Variants in ZNF229 observed in about 807,000 individuals in gnomAD.
ZNF229 encodes zinc finger protein 229.
Under a neutral mutation model 11.8 loss-of-function variants are expected in ZNF229, and 10 were observed. That is an observed-to-expected ratio of 0.85 (90% confidence interval 0.52 to 1.44). The LOEUF (loss-of-function observed/expected upper bound fraction) is 1.44, where lower values mean the gene tolerates loss of function less well. Among genes scored for constraint, ZNF229 ranks in the 40% most tolerant of loss-of-function variants. ZNF229 has a pLI of 0.00. For synonymous variants in ZNF229, 368 were observed against 374.8 expected (o/e 0.98, Z 0.21); for missense variants, 1,045 against 1,015.1 (o/e 1.03, Z -0.40).
At chr19:44,444,287 A>C (rs1056584931) in intron 2 of ZNF229, among the ~76,000 whole-genome samples, 4 of 152,100 alleles carry the variant, frequency 2.6e-5, no homozygotes, top group Non-Finnish European at 2.9e-5. Context: ...AGACAAACAG[A>C]TACACATACT....
Position 44,429,718 on chromosome 19 carries a change from C to T in ZNF229, c.1063G>A (p.Gly355Arg), listed in dbSNP as rs1971673992. 7 of 1,613,996 alleles carry T rather than the reference C, an allele frequency of 4.3e-6. No individual in the cohort carries two copies. The East Asian group carries it at 1.6e-4, about 36-fold the overall frequency. Residue 355 changes from glycine (G) to arginine (R), a missense_variant, in exon 6 of 6, where the codon GGA becomes AGA. Physicochemically the swap from Gly to Arg is moderately radical, Grantham distance 125. Coordinates refer to ENST00000614049, the MANE Select transcript of ZNF229 (RefSeq NM_014518.4). ...ACCGATTTATACCTGAACCCCTTTC[C>T]ACAGACATCACATCTATAGGGCATG... ...GDMPYRCDVCGKGFRYKSVLL... is the reference protein window; with the variant it reads ...GDMPYRCDVCRKGFRYKSVLL...
chr19:44,447,271 C>T (rs1049252490), intron 2 of ZNF229, among the ~76,000 whole-genome samples: 2 of 144,962 alleles, frequency 1.4e-5, no homozygotes, highest in Non-Finnish European at 3.1e-5. Context: ...TTCTACCCTG[C>T]GTTTCTTCAG....
intron 4 of ZNF229, among the ~76,000 whole-genome samples, chr19:44,439,371 G>C (rs145955936): frequency 1.4e-3 from 214 of 152,274 alleles, no homozygotes; most frequent in African/African-American, 4.9e-3. Context: ...TGTTTGTAGT[G>C]CTAAAACTGG....
intron 2 of ZNF229, 125 bp downstream of exon 2, chr19:44,447,388 C>T (rs189378907): frequency 1.2e-4 from 18 of 152,230 alleles, no homozygotes; most frequent in African/African-American, 4.1e-4. Flanking sequence ...CAAACCTCCC[C>T]CATTTCTAGG....
chr19:44,439,546 C>T (rs954652099), intron 4 of ZNF229, among the ~76,000 whole-genome samples: 30 of 152,088 alleles, frequency 2.0e-4, no homozygotes, highest in African/African-American at 6.8e-4. Flanking sequence ...CAGGTTCAAG[C>T]GATTCTTCTG....
intron 4 of ZNF229, among the ~76,000 whole-genome samples, chr19:44,434,972 T>C (rs1170524876): frequency 6.6e-6 from 1 of 152,136 alleles, no homozygotes; most frequent in Middle Eastern, 3.2e-3. Context: ...CAAGATCTGA[T>C]GGCTTTATAA....
intron 4 of ZNF229, among the ~76,000 whole-genome samples, chr19:44,435,413 T>C (rs1411941484): frequency 1.3e-5 from 2 of 152,070 alleles, no homozygotes; most frequent in African/African-American, 4.8e-5. Context: ...ACGCATGGGG[T>C]GAACTTGGAA....
At chr19:44,441,504 A>T (rs1971908609) in intron 4 of ZNF229, among the ~76,000 whole-genome samples, 2 of 152,222 alleles carry the variant, frequency 1.3e-5, no homozygotes, top group African/African-American at 4.8e-5. Context: ...AAGAAAATTA[A>T]GAAATATGTA....
At chr19:44,432,122 A>C in intron 5 of ZNF229, 100 bp downstream of exon 5, 1 of 1,488,996 alleles carries the variant, frequency 6.7e-7, no homozygotes, top group Non-Finnish European at 8.9e-7. Context: ...AGCAGCTGAA[A>C]CTAAGAGTTC....
intron 4 of ZNF229, 24 bp downstream of exon 4, chr19:44,442,539 G>C (rs140656663): frequency 1.9e-6 from 3 of 1,612,102 alleles, no homozygotes; most frequent in East Asian, 2.2e-5. Flanking sequence ...GTGGTATTTC[G>C]GGAGAGAAAA....
intron 5 of ZNF229, among the ~76,000 whole-genome samples, chr19:44,431,354 C>A (rs1464665087): frequency 6.6e-6 from 1 of 152,094 alleles, no homozygotes; most frequent in Non-Finnish European, 1.5e-5. Context: ...TTCTGATATT[C>A]TTTATTGCCT....
rs200661767 is a variant in ZNF229, at chr19:44,432,320, T to C, written c.140A>G (p.Glu47Gly). ...CTGGGTAGAGTCCAGCAGCTCTAGCTCCTCCTCAGTGAAGACCACAGCCAC... is the reference window on the plus strand; with the variant it reads ...CTGGGTAGAGTCCAGCAGCTCTAGCCCCTCCTCAGTGAAGACCACAGCCAC... ...KDVAVVFTEE[E>G]LELLDSTQRQ... is the part of the protein sequence containing the mutation. Residue 47 changes from glutamate (E) to glycine (G), a missense_variant, in exon 5 of 6, where the codon GAG (glutamate) becomes GGG (glycine). Physicochemically the swap from Glu to Gly is moderately conservative, Grantham distance 98. Coordinates refer to ENST00000614049, the MANE Select transcript of ZNF229 (RefSeq NM_014518.4). The C allele has an allele frequency of 3.8e-5, 62 of 1,613,538 alleles. No homozygotes were observed. Among genetic ancestry groups the C allele is most frequent in the Non-Finnish European group, 1.0e-5 (12 of 1,179,936 alleles).
intron 2 of ZNF229, among the ~76,000 whole-genome samples, chr19:44,444,949 T>C (rs995441286): frequency 6.6e-6 from 1 of 152,170 alleles, no homozygotes; most frequent in African/African-American, 2.4e-5. Context: ...TTGGTGAACA[T>C]ATCCAGCCTC....
intron 2 of ZNF229, among the ~76,000 whole-genome samples, chr19:44,447,264 T>C (rs1166502700): frequency 6.8e-6 from 1 of 147,204 alleles, no homozygotes; most frequent in Admixed American, 6.8e-5. Flanking sequence ...TAATTATTTC[T>C]ACCCTGCGTT....
Position 44,429,924 on chromosome 19 carries a change from A to C in ZNF229, c.857T>G (p.Val286Gly), listed in dbSNP as rs1426879925. ...DDADLPPHPR[V>G]PLKEKLCQYD... ...TTGACAGAGTTTCTCTTTCAAAGGT[A>C]CTCTTGGATGCGGGGGAAGGTCTGC... The change falls in exon 6 of 6, where the codon GTA becomes GGA. Residue 286 changes from valine (V) to glycine (G), a missense_variant. Physicochemically the swap from Val to Gly is moderately radical, Grantham distance 109. Transcript: ENST00000614049. 6.2e-7 allele frequency: 1 copy of C among 1,613,758 alleles called. No individual in the cohort carries two copies. The highest frequency in any genetic ancestry group is 8.5e-7 in the Non-Finnish European group (1 of 1,179,938).
At position 44,428,519 on chromosome 19, in the gene ZNF229, A is replaced by T. The variant is rs769529068; in HGVS notation, c.2262T>A (p.His754Gln). ...TGTGGACCCTCTGATGACCTTGAAG[A>T]TGTGAGCTCTGACTATAGCCCTTCC... ...VCGKGYSQSS[H>Q]LQGHQRVHTG... The change falls in exon 6 of 6, where the codon CAT becomes CAA. Residue 754 changes from histidine (H) to glutamine (Q), a missense_variant. Transcript: ENST00000614049. The T allele has an allele frequency of 2.5e-6, 4 of 1,609,252 alleles. No homozygotes were observed. Among genetic ancestry groups the T allele is most frequent in the Non-Finnish European group, 3.4e-6 (4 of 1,178,450 alleles).
At chr19:44,444,102 A>C (rs370811249) in intron 2 of ZNF229, among the ~76,000 whole-genome samples, 2 of 152,108 alleles carry the variant, frequency 1.3e-5, no homozygotes, top group East Asian at 3.8e-4. Flanking sequence ...GGAAGCACTT[A>C]AGGGTCCTAA....
chr19:44,435,160 G>A (rs1971791389), intron 4 of ZNF229, among the ~76,000 whole-genome samples: 1 of 152,092 alleles, frequency 6.6e-6, no homozygotes. Flanking sequence ...GACTAATACA[G>A]AATGCATACC....
chr19:44,442,164 T>C (rs1226338793), intron 4 of ZNF229, among the ~76,000 whole-genome samples: 1 of 152,234 alleles, frequency 6.6e-6, no homozygotes, highest in African/African-American at 2.4e-5. Context: ...TTTGGTAGGG[T>C]CTACTACATG....
Sources: allele counts gnomAD v4.1 joint callset (sites outside exome capture counted in the v4.1 genomes callset), GRCh38; gene constraint gnomAD v4.1.1; transcripts MANE v1.5; gene names NCBI Gene and HGNC (gene_info 2026-07-23, HGNC 2026-07-21).